Variants in LRRK1 observed in about 807,000 individuals in gnomAD.
LRRK1 encodes the protein leucine rich repeat kinase 1, also known as leucine-rich repeat serine/threonine-protein kinase 1.
In LRRK1, 113 loss-of-function variants were observed where a neutral mutation model predicts 209.1. The ratio of observed to expected loss-of-function variants is 0.54; its 90% CI spans 0.46 to 0.63. The LOEUF (loss-of-function observed/expected upper bound fraction) is 0.63. Among genes scored for constraint, LRRK1 ranks in the 30% least tolerant of loss-of-function variants. The pLI, the probability that LRRK1 is intolerant of heterozygous loss-of-function variation, is 0.00. For synonymous variants in LRRK1, 1,144 were observed against 1,099.7 expected, an observed-to-expected ratio of 1.04 and a Z score of -0.80; for missense variants, 2,284 against 2,632.2, an observed-to-expected ratio of 0.87 and a Z score of 2.89.
chr15:100,953,664 G>A (rs1485223958), intron 2 of LRRK1, among the ~76,000 whole-genome samples: 3 of 152,008 alleles, frequency 2.0e-5, no homozygotes, highest in Admixed American at 6.6e-5. Flanking sequence ...ATATCTCTTC[G>A]AGATACTGAT....
At chr15:101,062,817 C>A in intron 31 of LRRK1, 127 bp downstream of exon 31, 3 of 721,940 alleles carry the variant, frequency 4.2e-6, no homozygotes, top group Non-Finnish European at 7.5e-6. Flanking sequence ...AGGACGTAGA[C>A]TTAGAGACGG....
chr15:100,948,949 A>G (rs1166301765), intron 2 of LRRK1, among the ~76,000 whole-genome samples: 1 of 152,164 alleles, frequency 6.6e-6, no homozygotes, highest in Non-Finnish European at 1.5e-5. Context: ...AATAACCTAA[A>G]CTTCCACCTT....
chr15:100,956,465 T>TC, intron 2 of LRRK1, among the ~76,000 whole-genome samples: 1 of 129,770 alleles, frequency 7.7e-6, no homozygotes, highest in African/African-American at 2.9e-5. Context: ...CTTTTTTTTT[T>TC]TTTTTTTTGA....
chr15:101,052,952 C>A lies in LRRK1; in HGVS notation c.3720C>A (p.His1240Gln), dbSNP rs1391459204. ...TCCTGGAGAACAGCAAGCTGGAGCA[C>A]AGCGAGGACGAGGGCAGCGTCCTGG... ...RLFLENSKLE[H>Q]SEDEGSVLGQ... The change falls in exon 25 of 34, where the codon CAC (histidine) becomes CAA (glutamine). Residue 1240 changes from histidine (H) to glutamine (Q), a missense_variant. Physicochemically the swap from His to Gln is conservative, Grantham distance 24 (BLOSUM62 0). Transcript: ENST00000388948. The A allele has an allele frequency of 1.2e-6, 2 of 1,611,008 alleles. No homozygotes were observed. The highest frequency in any genetic ancestry group is 1.7e-6 in the Non-Finnish European group (2 of 1,178,036).
At position 101,065,885 on chromosome 15, in the gene LRRK1, G is replaced by A. The variant is rs940510549; in HGVS notation, c.5448G>A (p.Val1816=). The A allele has an allele frequency of 1.2e-6, 2 of 1,614,080 alleles. No homozygotes were observed. The highest frequency in any genetic ancestry group is 1.7e-5 in the Admixed American group (1 of 60,010). ...KVPEGDSIAD[V]SIMYSEELGT... ...CTGAGGGGGACTCCATCGCGGACGT[G>A]AGCATCATGTACAGTGAGGAGCTGG... Residue 1816 remains valine (V), a synonymous_variant, in exon 32 of 34, where the codon GTG becomes GTA. Transcript: ENST00000388948.
At chr15:100,930,188 C>T (rs1596157200) in intron 2 of LRRK1, among the ~76,000 whole-genome samples, 1 of 152,188 alleles carries the variant, frequency 6.6e-6, no homozygotes, top group Admixed American at 6.5e-5. Flanking sequence ...TTAGACAGAT[C>T]GGAATCCCTT....
Position 101,015,337 on chromosome 15 carries a change from G to T in LRRK1, c.1544G>T (p.Gly515Val). 1.2e-6 allele frequency: 2 copies of T among 1,613,740 alleles called. No homozygotes were observed. Among genetic ancestry groups the T allele is most frequent in the Non-Finnish European group, 1.7e-6 (2 of 1,179,736 alleles). ...TTTCCTCCCCCCAGAAATGAAGATG[G>T]ACTGAAAACGAAGCGTATTGCCTTT... ...SRNQLGKNED[G>V]LKTKRIAFFT... The change falls in exon 12 of 34, where the codon GGA (glycine) becomes GTA (valine). Residue 515 changes from glycine to valine, a missense_variant. By Grantham distance (109) the Gly-to-Val change is moderately radical. Transcript: ENST00000388948.
intron 7 of LRRK1, among the ~76,000 whole-genome samples, chr15:101,009,616 T>A (rs191611514): frequency 6.6e-6 from 1 of 152,098 alleles, no homozygotes; most frequent in Non-Finnish European, 1.5e-5. Context: ...TGAGACGGAG[T>A]CTCACTCTGC....
chr15:101,065,966 C>T lies in LRRK1; in HGVS notation c.5529C>T (p.Ser1843=), dbSNP rs748267022. ...TCACTGACTACTGCTCCATGTCCTCCTACTCCTCATCCCCACCCCGCCAGG... is the reference window on the plus strand; with the variant it reads ...TCACTGACTACTGCTCCATGTCCTCTTACTCCTCATCCCCACCCCGCCAGG... The part of the protein sequence containing the change: ...ESLTDYCSMS[S]YSSSPPRQAA... The change falls in exon 32 of 34, where the codon TCC becomes TCT. Residue 1843 remains serine, a synonymous_variant. Transcript: ENST00000388948. 25 of 1,614,004 alleles carry T rather than the reference C, an allele frequency of 1.5e-5. No individual in the cohort carries two copies. The highest frequency in any genetic ancestry group is 4.2e-6 in the Non-Finnish European group (5 of 1,180,012).
rs2141169291 is a variant in LRRK1, at chr15:101,069,090, G to GGAAGACAGTGGTATCAGGCTGGGAGC, written c.*244_*269dup. 2.5e-6 allele frequency: 1 copy of GGAAGACAGTGGTATCAGGCTGGGAGC among 398,182 alleles called. No homozygotes were observed. The highest frequency in any genetic ancestry group is 4.2e-5 in the Admixed American group (1 of 24,048). The allele number at this position is 398,182 out of a possible 1,614,324, so 24.7% of individuals were successfully genotyped here. On this transcript the variant is annotated 3_prime_UTR_variant, in exon 34 of 34. Transcript: ENST00000388948. ...CCAACTGCTGATTTTACAGCCCCAG[G>GGAAGACAGTGGTATCAGGCTGGGAGC]GAAGACAGTGGTATCAGGCTGGGAG...
chr15:100,950,927 C>CCT (rs1567196388), intron 2 of LRRK1, among the ~76,000 whole-genome samples: 1 of 150,856 alleles, frequency 6.6e-6, no homozygotes, highest in Non-Finnish European at 1.5e-5. Context: ...CACGGTGAAA[C>CCT]GCCATCTCTA....
chr15:101,048,580 C>T lies in LRRK1; in HGVS notation c.3222C>T (p.Ser1074=). ...SFTGNQRNRC[S]TFRVKRNQTI... is the part of the protein sequence containing the mutation. ...CAGGAAACCAGAGAAATCGCTGTAG[C>T]ACATTCAGAGTGAAAAGAAATCAGA... The change falls in exon 22 of 34, where the codon AGC becomes AGT. Residue 1074 remains serine (S), a synonymous_variant. Transcript: ENST00000388948. 1 of 1,586,006 alleles carries T rather than the reference C, an allele frequency of 6.3e-7. No individual in the cohort carries two copies. Among genetic ancestry groups the T allele is most frequent in the Non-Finnish European group, 8.5e-7 (1 of 1,170,334 alleles).
At chr15:100,940,651 G>T (rs764689936) in intron 2 of LRRK1, among the ~76,000 whole-genome samples, 1 of 152,180 alleles carries the variant, frequency 6.6e-6, no homozygotes, top group Non-Finnish European at 1.5e-5. Flanking sequence ...CAAGACATCA[G>T]TAATATTTAT....
rs1215356984 is a variant in LRRK1 at position 101,071,938 on chromosome 15, A to C, written c.*3090A>C. 6.6e-6 allele frequency: 1 copy of C among 152,262 alleles called. No individual in the cohort carries two copies. Among genetic ancestry groups the C allele is most frequent in the African/African-American group, 2.4e-5 (1 of 41,456 alleles). 9.4% of individuals were successfully genotyped at this position (152,262 alleles called of 1,614,324 possible). On this transcript the variant is annotated 3_prime_UTR_variant, in exon 34 of 34. Transcript: ENST00000388948. ...GGGTGCAAGGGCCTTGCACATGCAA[A>C]GACCCTGTTGTGGGTTCAAGCCACT...
intron 2 of LRRK1, among the ~76,000 whole-genome samples, chr15:100,947,401 C>A (rs973043041): frequency 1.3e-5 from 2 of 152,138 alleles, no homozygotes; most frequent in Non-Finnish European, 2.9e-5. Context: ...TATGAGATAT[C>A]TTATTCTGTT....
At position 100,973,943 on chromosome 15, in the gene LRRK1, C is replaced by T. The variant is rs933987152; in HGVS notation, c.237C>T (p.Asp79=). ...GGGACCTGCTGGAGGAGGCCTGCGA[C>T]CAGTGCGCGTCCCAGCTGGAAAAGG... ...GARDLLEEAC[D]QCASQLEKGQ... is the part of the protein sequence containing the mutation. Residue 79 remains aspartate (D), a synonymous_variant, in exon 3 of 34, where the codon GAC becomes GAT. Coordinates refer to ENST00000388948, the MANE Select transcript of LRRK1 (RefSeq NM_024652.6). The T allele has an allele frequency of 3.2e-6, 4 of 1,259,440 alleles. No homozygotes were observed. The African/African-American group carries it at 4.6e-5, about 15-fold the overall frequency. 78.0% of individuals were successfully genotyped at this position (1,259,440 alleles called of 1,614,324 possible).
At position 101,070,084 on chromosome 15, in the gene LRRK1, CAAAAT is replaced by C. The variant is rs1009217966; in HGVS notation, c.*1240_*1244del. The C allele has an allele frequency of 2.0e-5, 3 of 152,164 alleles. No homozygotes were observed. The highest frequency in any genetic ancestry group is 7.2e-5 in the African/African-American group (3 of 41,438). 9.4% of individuals were successfully genotyped at this position (152,164 alleles called of 1,614,324 possible). A position where few individuals can be genotyped will look rare whatever the true frequency, so the allele number is the denominator to read the frequency against. On this transcript the variant is annotated 3_prime_UTR_variant, in exon 34 of 34. Transcript: ENST00000388948. ...CAGGGAGATGAGACTCTTTTAATCT[CAAAAT>C]AAACAGATTCTTTCAAGAACGAAGC...
chr15:100,947,407 C>T (rs919282519), intron 2 of LRRK1, among the ~76,000 whole-genome samples: 1 of 152,096 alleles, frequency 6.6e-6, no homozygotes, highest in Non-Finnish European at 1.5e-5. Context: ...ATATCTTATT[C>T]TGTTTTACAG....
intron 20 of LRRK1, among the ~76,000 whole-genome samples, chr15:101,041,826 A>G (rs2034771671): frequency 6.6e-6 from 1 of 152,222 alleles, no homozygotes; most frequent in South Asian, 2.1e-4. Flanking sequence ...ATGAAGTTTA[A>G]TTGTAAACCA....
Sources: allele counts gnomAD v4.1 joint callset (sites outside exome capture counted in the v4.1 genomes callset), GRCh38; gene constraint gnomAD v4.1.1; transcripts MANE v1.5; gene names NCBI Gene and HGNC (gene_info 2026-07-23, HGNC 2026-07-21).